ACSF2: variants seen among roughly 807,000 people sequenced by gnomAD.
The protein encoded by ACSF2 is medium-chain acyl-CoA ligase ACSF2, mitochondrial.
ACSF2 carries 52 observed loss-of-function variants against 79.3 expected under a neutral mutation model. That is an observed-to-expected ratio of 0.66 (90% CI 0.53 to 0.83). The LOEUF is 0.83. Ranked by LOEUF, ACSF2 falls within the 40% of genes least tolerant of loss-of-function variation. The probability of loss-of-function intolerance (pLI) is 0.00; values close to 1 mark genes in which losing one functional copy is unlikely to be tolerated. For missense variants in ACSF2, 661 were observed against 803.3 expected (o/e 0.82, Z 2.14); for synonymous variants, 283 against 312.6 (o/e 0.91, Z 1.00).
chr17:50,461,564 G>C, intron 3 of ACSF2, 69 bp from the exon 4 acceptor site: 2 of 1,607,076 alleles, frequency 1.2e-6, no homozygotes, highest in South Asian at 2.2e-5. Context: ...ATGCCTCCTG[G>C]GGGCGGAGGG....
chr17:50,458,378 A>G (rs558487335), intron 1 of ACSF2, among the ~76,000 whole-genome samples: 11 of 152,102 alleles, frequency 7.2e-5, no homozygotes, highest in African/African-American at 2.4e-4. Context: ...TTCATTTTCC[A>G]TGCCCCAGCC....
intron 1 of ACSF2, among the ~76,000 whole-genome samples, chr17:50,433,445 T>A (rs867547979): frequency 1.3e-5 from 2 of 152,246 alleles, no homozygotes; most frequent in Admixed American, 6.5e-5. Context: ...CAAACCACCA[T>A]GTGCACCTGG....
intron 10 of ACSF2, among the ~76,000 whole-genome samples, chr17:50,467,349 C>T (rs1408533270): frequency 1.3e-5 from 2 of 152,200 alleles, no homozygotes; most frequent in African/African-American, 4.8e-5. Flanking sequence ...AGTGGTCTTG[C>T]CTTTGCCCCT....
At chr17:50,453,512 C>T (rs1236975265) in intron 1 of ACSF2, among the ~76,000 whole-genome samples, 1 of 152,092 alleles carries the variant, frequency 6.6e-6, no homozygotes, top group Non-Finnish European at 1.5e-5. Context: ...TCGGCCTCAC[C>T]TGCATTTTTC....
At chr17:50,460,967 G>C in intron 2 of ACSF2, 95 bp downstream of exon 2, 1 of 1,403,764 alleles carries the variant, frequency 7.1e-7, no homozygotes, top group Non-Finnish European at 9.7e-7. Context: ...CTGGCTATGG[G>C]GCAATGTGCT....
chr17:50,447,813 C>T (rs983914417), intron 1 of ACSF2, among the ~76,000 whole-genome samples: 1 of 152,162 alleles, frequency 6.6e-6, no homozygotes, highest in Admixed American at 6.5e-5. Context: ...GTCTGACTGA[C>T]GCTTGAGGCG....
intron 10 of ACSF2, 128 bp from the exon 11 acceptor site, chr17:50,470,900 T>C: frequency 2.8e-6 from 2 of 705,550 alleles, no homozygotes; most frequent in Admixed American, 4.4e-5. Flanking sequence ...GATGTCTCTG[T>C]TTCCACCATT....
intron 10 of ACSF2, chr17:50,464,779 G>GGGC: frequency 7.7e-6 from 2 of 259,844 alleles, no homozygotes; most frequent in South Asian, 2.5e-5. Context: ...TGGGGGGGGG[G>GGGC]TCTCAGCAAC....
At chr17:50,456,847 C>CCCAGGAGTTCGAGA (rs2032041031) in intron 1 of ACSF2, among the ~76,000 whole-genome samples, 1 of 152,060 alleles carries the variant, frequency 6.6e-6, no homozygotes, top group African/African-American at 2.4e-5. Flanking sequence ...ATCACTTGAG[C>CCCAGGAGTTCGAGA]CCAGGAGTTC....
Position 50,463,621 on chromosome 17 carries a change from C to T in ACSF2, c.1046+69C>T. The T allele has an allele frequency of 1.3e-6, 2 of 1,579,448 alleles. No homozygotes were observed. Among genetic ancestry groups the T allele is most frequent in the Non-Finnish European group, 1.7e-6 (2 of 1,160,490 alleles). On this transcript the variant is annotated intron_variant, in intron 8 of 15. Transcript: ENST00000300441. This position sits in a 1 kb window ranked among gnomAD's most constrained non-coding sequence, Gnocchi z 4.6. ...CTTCTTCCTCACTCCTGGGCCCTGA[C>T]ACCTTTCCAAGCTGCCTCCTCCCTC... is the stretch of plus-strand genomic sequence containing the variant.
chr17:50,428,932 C>T (rs915337113), intron 1 of ACSF2, among the ~76,000 whole-genome samples: 22 of 152,260 alleles, frequency 1.4e-4, no homozygotes, highest in East Asian at 1.9e-4. Context: ...CTTGCAGCCT[C>T]GTAGGAGGAG....
chr17:50,460,650 T>G (rs1346210817), intron 1 of ACSF2, 27 bp from the exon 2 acceptor site: 1 of 1,592,836 alleles, frequency 6.3e-7, no homozygotes. Context: ...TCTGGGACAG[T>G]CAAACCCATA....
chr17:50,468,596 G>T lies in ACSF2; in HGVS notation c.1216-2432G>T, dbSNP rs748324358. The T allele has an allele frequency of 1.1e-5, 17 of 1,614,118 alleles. No homozygotes were observed. In the East Asian group the frequency reaches 2.0e-4, roughly 19 times the overall value. On this transcript the variant is annotated intron_variant, in intron 10 of 15. Coordinates refer to ENST00000300441, the MANE Select transcript of ACSF2 (RefSeq NM_025149.6). ...GTGCAATGACACGAGGTTCGGCATG[G>T]CCCGGAACGAATTGGCAGCCAGCAC...
intron 10 of ACSF2, chr17:50,468,880 T>C (rs1211459847): frequency 4.9e-6 from 7 of 1,440,764 alleles, no homozygotes; most frequent in Non-Finnish European, 6.3e-6. Flanking sequence ...CGGCGAGTCC[T>C]AGGCGCTCGG....
chr17:50,465,953 C>A (rs1598428074), intron 10 of ACSF2: 8 of 1,515,224 alleles, frequency 5.3e-6, no homozygotes. Context: ...GGGGCAGGAT[C>A]CTTCCCTGAA....
At position 50,470,874 on chromosome 17, in the gene ACSF2, C is replaced by G. The variant is rs1278221562; in HGVS notation, c.1216-154C>G. 4.7e-6 allele frequency: 3 copies of G among 640,354 alleles called. No homozygotes were observed. The African/African-American group carries it at 5.4e-5, about 12-fold the overall frequency. The allele number at this position is 640,354 out of a possible 1,614,324, so 39.7% of individuals were successfully genotyped here. On this transcript the variant is annotated intron_variant, in intron 10 of 15. Coordinates refer to ENST00000300441, the MANE Select transcript of ACSF2 (RefSeq NM_025149.6). ...CTCCCAGCACCTCTGCCTCCTGACC[C>G]CAGGCCCCTACCAATGATGTCTCTG...
At chr17:50,456,873 A>G in intron 1 of ACSF2, among the ~76,000 whole-genome samples, 1 of 152,152 alleles carries the variant, frequency 6.6e-6, no homozygotes, top group Non-Finnish European at 1.5e-5. Context: ...CAGTTCTGGC[A>G]ACATAGTAAG....
intron 1 of ACSF2, among the ~76,000 whole-genome samples, chr17:50,439,117 C>T (rs2030674680): frequency 6.7e-6 from 1 of 149,512 alleles, no homozygotes; most frequent in South Asian, 2.2e-4. Context: ...TCCCAGGCTG[C>T]TGGAGTGCAA....
At chr17:50,451,861 A>C (rs1348311004) in intron 1 of ACSF2, among the ~76,000 whole-genome samples, 2 of 152,154 alleles carry the variant, frequency 1.3e-5, no homozygotes, top group Non-Finnish European at 2.9e-5. Context: ...ACCTTCAGCA[A>C]GATGTCTACT....
Sources: allele counts gnomAD v4.1 joint callset (sites outside exome capture counted in the v4.1 genomes callset), GRCh38; gene constraint gnomAD v4.1.1; non-coding constraint Gnocchi (gnomAD v3.1); transcripts MANE v1.5; gene names NCBI Gene and HGNC (gene_info 2026-07-23, HGNC 2026-07-21).